RBFOX1: variants seen among roughly 807,000 people sequenced by gnomAD.
The protein encoded by RBFOX1 is RNA binding protein fox-1 homolog 1.
In RBFOX1, 8 loss-of-function variants were observed where a neutral mutation model predicts 57.7. That is an observed-to-expected ratio of 0.14 (90% confidence interval 0.08 to 0.25). The LOEUF is 0.25. RBFOX1 is among the 10% of genes least tolerant of loss of function. RBFOX1 has a pLI of 1.00. For missense variants in RBFOX1, 611 were observed against 548.5 expected, an observed-to-expected ratio of 1.11 and a Z score of -1.14; for synonymous variants, 326 against 222.4, an observed-to-expected ratio of 1.47 and a Z score of -4.15.
intron 3 of RBFOX1, among the ~76,000 whole-genome samples, chr16:7,028,152 A>G (rs1391252326): frequency 2.6e-5 from 4 of 152,174 alleles, no homozygotes; most frequent in African/African-American, 4.8e-5. Context: ...TCAAGGTCCA[A>G]TATAATAATT....
chr16:6,855,367 C>T (rs1245712937), intron 3 of RBFOX1, among the ~76,000 whole-genome samples: 2 of 152,018 alleles, frequency 1.3e-5, no homozygotes, highest in Admixed American at 6.6e-5. Context: ...AAGAAGAGAT[C>T]TTGGCCGGGC....
chr16:5,430,845 C>G (rs912157351), intron 1 of RBFOX1, among the ~76,000 whole-genome samples: 4 of 152,208 alleles, frequency 2.6e-5, no homozygotes, highest in African/African-American at 7.2e-5. Context: ...AACAGCCAAC[C>G]TTTACACATA....
chr16:6,565,154 A>G (rs1375213087), intron 2 of RBFOX1, among the ~76,000 whole-genome samples: 3 of 151,696 alleles, frequency 2.0e-5, no homozygotes, highest in Non-Finnish European at 2.9e-5. Context: ...AGCATTTGCA[A>G]CAGGGAAGGT....
chr16:7,265,663 G>T (rs995250801), intron 4 of RBFOX1, among the ~76,000 whole-genome samples: 5 of 152,114 alleles, frequency 3.3e-5, no homozygotes, highest in Non-Finnish European at 7.3e-5. Flanking sequence ...TGGCCAGGCC[G>T]GTCTGAAACT....
rs1183309032 is a variant in RBFOX1 at position 6,941,288 on chromosome 16, TTCCCTCCC to T, written c.-15-110761_-15-110754del. On this transcript the variant is annotated intron_variant, in intron 3 of 15. Transcript: ENST00000550418. ...TTTCCTCTCTCCCTCCCTTCCCTCC[TTCCCTCCC>T]TCCCTCCTTCCTTCCTTCCTTCCTT... Among the ~76,000 whole-genome samples, 585 of 80,146 alleles carry T rather than the reference TTCCCTCCC, an allele frequency of 7.3e-3. 19 individuals are homozygous for T. The highest frequency in any genetic ancestry group is 0.024 in the African/African-American group (520 of 21,564). 52.6% of individuals were successfully genotyped at this position (80,146 alleles called of 152,430 possible). A position where few individuals can be genotyped will look rare whatever the true frequency, so the allele number is the denominator to read the frequency against.
intron 2 of RBFOX1, among the ~76,000 whole-genome samples, chr16:6,568,166 A>G (rs2097293868): frequency 1.3e-5 from 2 of 152,234 alleles, no homozygotes; most frequent in African/African-American, 4.8e-5. Context: ...TCTCAAAACA[A>G]CAAAAGTTTC....
chr16:6,733,960 G>A (rs771211345), intron 3 of RBFOX1, among the ~76,000 whole-genome samples: 5 of 152,086 alleles, frequency 3.3e-5, no homozygotes, highest in Non-Finnish European at 5.9e-5. Context: ...TATCTTTAAG[G>A]GTTGCCATAA....
intron 2 of RBFOX1, among the ~76,000 whole-genome samples, chr16:5,578,841 A>ACACC (rs1488617272): frequency 0.056 from 4,986 of 89,644 alleles, 168 homozygotes; most frequent in East Asian, 0.13. Flanking sequence ...ACACACACAC[A>ACACC]CCCTTTTTTT....
At chr16:6,849,549 G>C (rs189027794) in intron 3 of RBFOX1, among the ~76,000 whole-genome samples, 345 of 152,228 alleles carry the variant, frequency 2.3e-3, no homozygotes, top group African/African-American at 8.2e-3. Flanking sequence ...CATGCCTGTA[G>C]TCCCAGCTAC....
chr16:5,784,186 C>CT (rs1403003610), intron 3 of RBFOX1, among the ~76,000 whole-genome samples: 4 of 152,220 alleles, frequency 2.6e-5, no homozygotes, highest in African/African-American at 9.6e-5. Context: ...CTTTGGGAGG[C>CT]TAAGGCAGGT....
intron 3 of RBFOX1, among the ~76,000 whole-genome samples, chr16:5,864,078 C>T (rs544722773): frequency 1.3e-5 from 2 of 152,274 alleles, no homozygotes; most frequent in South Asian, 2.1e-4. Context: ...CAGAAGGCCC[C>T]ATTGTGTATT....
chr16:5,742,912 A>T (rs1302053262), intron 3 of RBFOX1, among the ~76,000 whole-genome samples: 1 of 152,042 alleles, frequency 6.6e-6, no homozygotes, highest in African/African-American at 2.4e-5. Flanking sequence ...AGTGTAGGTG[A>T]GTCTACACAG....
At chr16:6,820,952 C>T (rs186907495) in intron 3 of RBFOX1, among the ~76,000 whole-genome samples, 3 of 152,230 alleles carry the variant, frequency 2.0e-5, no homozygotes, top group Admixed American at 1.3e-4. Context: ...ATTAAAGCTA[C>T]CAGTTATTGA....
chr16:5,687,276 TTCATGATGTCCTGG>T (rs1211469924), intron 3 of RBFOX1, among the ~76,000 whole-genome samples: 11 of 152,114 alleles, frequency 7.2e-5, no homozygotes, highest in African/African-American at 2.7e-4. Flanking sequence ...CTGTGGTGCC[TTCATGATGTCCTGG>T]TTTAGTGCAG....
At chr16:6,463,517 TG>T (rs2153068206) in intron 2 of RBFOX1, among the ~76,000 whole-genome samples, 1 of 152,206 alleles carries the variant, frequency 6.6e-6, no homozygotes, top group Non-Finnish European at 1.5e-5. Flanking sequence ...TTAGATTTGA[TG>T]GGGGGTCGGG....
At chr16:5,500,808 G>T (rs771886329) in intron 2 of RBFOX1, among the ~76,000 whole-genome samples, 17 of 152,174 alleles carry the variant, frequency 1.1e-4, no homozygotes, top group Non-Finnish European at 2.2e-4. Flanking sequence ...AGGCTAACTG[G>T]TCTCCCAGCT....
intron 2 of RBFOX1, among the ~76,000 whole-genome samples, chr16:6,592,010 A>G (rs1332025790): frequency 1.3e-5 from 2 of 152,134 alleles, no homozygotes. Flanking sequence ...CTATTATTTA[A>G]TCATATAGTT....
At chr16:7,429,939 G>A (rs988756376) in intron 4 of RBFOX1, among the ~76,000 whole-genome samples, 1 of 152,172 alleles carries the variant, frequency 6.6e-6, no homozygotes, top group African/African-American at 2.4e-5. Context: ...TGTGGGACTT[G>A]TGACAGTGTT....
intron 3 of RBFOX1, among the ~76,000 whole-genome samples, chr16:6,920,850 C>A (rs548669336): frequency 2.6e-5 from 4 of 152,330 alleles, no homozygotes; most frequent in Non-Finnish European, 5.9e-5. Flanking sequence ...CTTAGTTACA[C>A]CACCTGCAAA....
Sources: gnomAD v4.1 joint callset for allele counts (sites outside exome capture counted in the v4.1 genomes callset) on GRCh38, gnomAD v4.1.1 for gene constraint, MANE v1.5 for transcripts, NCBI Gene and HGNC (gene_info 2026-07-23, HGNC 2026-07-21) for gene names.